Variants in VWCE observed in about 807,000 individuals in gnomAD.
VWCE encodes the protein von Willebrand factor C and EGF domains.
In VWCE, 68 loss-of-function variants were observed where a neutral mutation model predicts 102.9. That is an observed-to-expected ratio of 0.66 (90% CI 0.54 to 0.81). VWCE has a LOEUF of 0.81. Ranked by LOEUF, VWCE falls within the 30% of genes least tolerant of loss-of-function variation. The pLI is 0.00. For missense variants in VWCE, 1,137 were observed against 1,263.6 expected (o/e 0.90, Z 1.52); for synonymous variants, 497 against 515.4 (o/e 0.96, Z 0.48).
chr11:61,292,691 C>G (rs1232920783), intron 1 of VWCE, among the ~76,000 whole-genome samples: 7 of 152,158 alleles, frequency 4.6e-5, no homozygotes, highest in African/African-American at 1.7e-4. Flanking sequence ...CGTGACCATA[C>G]AGCCATAAAC....
intron 14 of VWCE, among the ~76,000 whole-genome samples, chr11:61,270,008 C>G (rs894326505): frequency 8.6e-5 from 13 of 151,458 alleles, no homozygotes; most frequent in African/African-American, 2.7e-4. Context: ...AGCTCCGCCT[C>G]CCGGGTTCAC....
At chr11:61,272,600 G>A (rs1854754737) in intron 13 of VWCE, among the ~76,000 whole-genome samples, 1 of 150,408 alleles carries the variant, frequency 6.6e-6, no homozygotes, top group Admixed American at 6.6e-5. Context: ...ACACACACAG[G>A]CACATACTAA....
chr11:61,281,150 G>A lies in VWCE; in HGVS notation c.873C>T (p.Ala291=), dbSNP rs748961122. The A allele has an allele frequency of 2.5e-6, 4 of 1,613,750 alleles. No individual in the cohort carries two copies. The highest frequency in any genetic ancestry group is 3.3e-5 in the Admixed American group (2 of 60,018). Residue 291 remains alanine (A), a synonymous_variant, in exon 8 of 20, where the codon GCC becomes GCT. Coordinates refer to ENST00000335613, the MANE Select transcript of VWCE (RefSeq NM_152718.2). The part of the protein sequence containing the change: ...PSKMLLLLPE[A]GRPALSPGHS... ...GTCCTGGGGACAGGGCAGGCCGGCC[G>A]GCCTCAGGAAGCAACAGAAGCATCT...
chr11:61,266,423 G>C (rs1854515179), intron 16 of VWCE, among the ~76,000 whole-genome samples: 1 of 151,862 alleles, frequency 6.6e-6, no homozygotes, highest in East Asian at 1.9e-4. Flanking sequence ...TCCCAGCTGG[G>C]TGTGATCCCA....
intron 19 of VWCE, among the ~76,000 whole-genome samples, chr11:61,264,001 G>A (rs1854431644): frequency 6.6e-6 from 1 of 151,858 alleles, no homozygotes; most frequent in African/African-American, 2.4e-5. Context: ...TGAGGCGGGC[G>A]GATCACGAGG....
chr11:61,264,208 A>C (rs556743353), intron 19 of VWCE, among the ~76,000 whole-genome samples: 2 of 138,768 alleles, frequency 1.4e-5, no homozygotes, highest in Non-Finnish European at 3.1e-5. Context: ...CCTGGGTGAC[A>C]GAGGGAGACT....
At chr11:61,261,576 TA>T (rs35416433) in intron 19 of VWCE, among the ~76,000 whole-genome samples, 208 of 140,226 alleles carry the variant, frequency 1.5e-3, no homozygotes, top group Middle Eastern at 3.7e-3. Flanking sequence ...ACCTTGTCTC[TA>T]AAAAAAAAAA....
intron 9 of VWCE, 83 bp downstream of exon 9, chr11:61,280,541 G>A: frequency 7.1e-7 from 1 of 1,409,142 alleles, no homozygotes; most frequent in African/African-American, 1.4e-5. Flanking sequence ...GTATGCTAAT[G>A]TTAAAGAACA....
rs778495260 is a variant in VWCE, at chr11:61,281,224, C to A, written c.799G>T (p.Ala267Ser). 25 of 1,612,418 alleles carry A rather than the reference C, an allele frequency of 1.6e-5. No homozygotes were observed. Among genetic ancestry groups the A allele is most frequent in the Non-Finnish European group, 1.6e-5 (19 of 1,179,984 alleles). The change falls in exon 8 of 20, where the codon GCC (alanine) becomes TCC (serine). Residue 267 changes from alanine (A) to serine (S), a missense_variant. This residue lies in a region of VWCE where 575 missense variants were observed against 625.9 expected (regional missense o/e 0.92). Transcript: ENST00000335613. ...AGGATGGCAGATGGGGCCAGCACGG[C>A]TTTCGGGAAAGCTGAAACAGAAGCA... ...DRVSCEAFPK[A>S]VLAPSAILQP...
chr11:61,286,281 T>C (rs1182995821), intron 5 of VWCE, 33 bp downstream of exon 5: 1 of 1,589,712 alleles, frequency 6.3e-7, no homozygotes, highest in Admixed American at 1.7e-5. Context: ...CCATTACCCC[T>C]CCCAGAGCAG....
chr11:61,280,165 C>A (rs1386031256), intron 9 of VWCE, among the ~76,000 whole-genome samples: 1 of 151,978 alleles, frequency 6.6e-6, no homozygotes, highest in African/African-American at 2.4e-5. Flanking sequence ...CAGCAGATGG[C>A]GGGGGCGAGT....
At chr11:61,291,399 G>C in intron 2 of VWCE, 46 bp from the exon 3 acceptor site, 1 of 1,590,800 alleles carries the variant, frequency 6.3e-7, no homozygotes, top group Non-Finnish European at 8.6e-7. Flanking sequence ...GGGGCCTCCC[G>C]TCTGCCCCTC....
At chr11:61,274,898 C>T (rs1191881088) in intron 11 of VWCE, among the ~76,000 whole-genome samples, 1 of 152,152 alleles carries the variant, frequency 6.6e-6, no homozygotes, top group Non-Finnish European at 1.5e-5. Flanking sequence ...CCCATCTCTA[C>T]AAAAACTTTA....
Position 61,271,686 on chromosome 11 carries a change from A to T in VWCE, c.1774T>A (p.Cys592Ser). The T allele has an allele frequency of 3.1e-6, 5 of 1,612,932 alleles. No homozygotes were observed. Among genetic ancestry groups the T allele is most frequent in the Non-Finnish European group, 4.2e-6 (5 of 1,179,526 alleles). Residue 592 changes from cysteine (C) to serine (S), a missense_variant, in exon 14 of 20, where the codon TGC becomes AGC. Physicochemically the swap from Cys to Ser is moderately radical, Grantham distance 112 (BLOSUM62 -1). Around this residue, in one of 5 missense-constraint regions of VWCE, gnomAD observed 212 missense variants for 235.1 expected, o/e 0.90. Transcript: ENST00000335613. ...IWSPGDPCEL[C>S]ICQADGSVSC... ...AGGTTGTCATTCACCTGGCAGATGC[A>T]TAACTCACAGGGGTCACCAGGCGAC...
At position 61,295,055 on chromosome 11, in the gene VWCE, C is replaced by G; in HGVS notation, c.-18G>C. The G allele has an allele frequency of 1.5e-6, 2 of 1,349,530 alleles. No homozygotes were observed. Among genetic ancestry groups the G allele is most frequent in the Non-Finnish European group, 1.9e-6 (2 of 1,047,454 alleles). The allele number at this position is 1,349,530 out of a possible 1,614,324, so 83.6% of individuals were successfully genotyped here. A position where few individuals can be genotyped will look rare whatever the true frequency, so the allele number is the denominator to read the frequency against. ...GCCCACATGACCGGCGGCGGCGGGT[C>G]CCCCGGGCTGGGCTCGGCTCCTGCG... On this transcript the variant is annotated 5_prime_UTR_variant, in exon 1 of 20. Transcript: ENST00000335613. This position sits in a 1 kb window ranked among gnomAD's most constrained non-coding sequence, Gnocchi z 4.6.
intron 19 of VWCE, 44 bp downstream of exon 19, chr11:61,264,443 G>A (rs1469937894): frequency 1.9e-6 from 3 of 1,573,324 alleles, no homozygotes; most frequent in Non-Finnish European, 2.6e-6. Flanking sequence ...AAGTAAAATG[G>A]AAGAAGATGG....
At chr11:61,264,383 A>G (rs1479343433) in intron 19 of VWCE, 104 bp downstream of exon 19, 1 of 1,202,334 alleles carries the variant, frequency 8.3e-7, no homozygotes, top group African/African-American at 1.5e-5. Context: ...CTCTCTGAAC[A>G]TGGCTTTCTC....
chr11:61,284,961 A>G (rs1196266764), intron 5 of VWCE, among the ~76,000 whole-genome samples: 2 of 152,004 alleles, frequency 1.3e-5, no homozygotes, highest in East Asian at 1.9e-4. Flanking sequence ...CAAAAAAAAA[A>G]AAGAAGAAGA....
intron 13 of VWCE, among the ~76,000 whole-genome samples, chr11:61,272,730 C>T (rs1050517795): frequency 1.3e-5 from 2 of 151,732 alleles, no homozygotes; most frequent in South Asian, 2.1e-4. Flanking sequence ...ACGCACACTA[C>T]TCACACACAG....
Sources: allele counts gnomAD v4.1 joint callset (sites outside exome capture counted in the v4.1 genomes callset), GRCh38; gene constraint gnomAD v4.1.1; regional missense constraint gnomAD v4.1.1; non-coding constraint Gnocchi (gnomAD v3.1); transcripts MANE v1.5; gene names NCBI Gene and HGNC (gene_info 2026-07-23, HGNC 2026-07-21).